Variants in CMTM7 observed in about 807,000 individuals in gnomAD.
CMTM7 encodes CKLF like MARVEL transmembrane domain containing 7, also known as CKLF-like MARVEL transmembrane domain-containing protein 7.
A neutral mutation model predicts 19.3 loss-of-function variants in CMTM7; 7 were observed. That is an observed-to-expected ratio of 0.36 (90% CI 0.21 to 0.68). The LOEUF is 0.68. Ranked by LOEUF, CMTM7 falls within the 30% of genes least tolerant of loss-of-function variation. CMTM7 has a pLI of 0.60. For synonymous variants in CMTM7, 87 were observed against 99.3 expected, an observed-to-expected ratio of 0.88 and a Z score of 0.74; for missense variants, 193 against 232.6, an observed-to-expected ratio of 0.83 and a Z score of 1.11.
At chr3:32,441,114 G>A (rs986239048) in intron 1 of CMTM7, among the ~76,000 whole-genome samples, 4 of 152,192 alleles carry the variant, frequency 2.6e-5, no homozygotes, top group African/African-American at 9.6e-5. Context: ...TTCTCGGCTT[G>A]TTATGATCAG....
chr3:32,447,626 G>A (rs1006111640), intron 2 of CMTM7, among the ~76,000 whole-genome samples: 6 of 151,860 alleles, frequency 4.0e-5, no homozygotes, highest in Non-Finnish European at 7.4e-5. Flanking sequence ...GTGCATATAC[G>A]TTTATAATTG....
chr3:32,453,617 G>A (rs909481792), intron 4 of CMTM7, among the ~76,000 whole-genome samples: 23 of 152,112 alleles, frequency 1.5e-4, no homozygotes, highest in Non-Finnish European at 7.3e-5. Context: ...AATAAGAATC[G>A]TCTAGAGCAG....
intron 1 of CMTM7, among the ~76,000 whole-genome samples, chr3:32,400,790 T>TG (rs1695991146): frequency 1.3e-5 from 2 of 152,192 alleles, no homozygotes; most frequent in Admixed American, 1.3e-4. Context: ...GGAGGTACCC[T>TG]GGTTGTGTGT....
At chr3:32,396,359 T>C (rs1695918195) in intron 1 of CMTM7, among the ~76,000 whole-genome samples, 1 of 151,872 alleles carries the variant, frequency 6.6e-6, no homozygotes, top group African/African-American at 2.4e-5. Flanking sequence ...ATACAAAAAT[T>C]AGCTGGATGT....
intron 1 of CMTM7, among the ~76,000 whole-genome samples, chr3:32,396,280 T>C (rs537055086): frequency 1.3e-3 from 190 of 151,888 alleles, no homozygotes; most frequent in Non-Finnish European, 2.2e-3. Flanking sequence ...CTGAGGTGGG[T>C]GGATCACCTG....
chr3:32,397,509 C>T (rs1409733037), intron 1 of CMTM7, among the ~76,000 whole-genome samples: 9 of 151,082 alleles, frequency 6.0e-5, no homozygotes, highest in East Asian at 1.9e-4. Context: ...CTGAGGTGGG[C>T]GGATCACGAG....
chr3:32,404,917 A>G (rs2125622151), intron 1 of CMTM7, among the ~76,000 whole-genome samples: 1 of 152,326 alleles, frequency 6.6e-6, no homozygotes, highest in South Asian at 2.1e-4. Flanking sequence ...AAAGCCTTAG[A>G]AGAAGTACTG....
intron 1 of CMTM7, among the ~76,000 whole-genome samples, chr3:32,437,423 CCT>C (rs1369185987): frequency 6.6e-6 from 1 of 151,996 alleles, no homozygotes; most frequent in Non-Finnish European, 1.5e-5. Flanking sequence ...ATGGTGAAAC[CCT>C]GTCTCTACTA....
chr3:32,400,608 G>A (rs891827156), intron 1 of CMTM7, among the ~76,000 whole-genome samples: 10 of 151,044 alleles, frequency 6.6e-5, no homozygotes, highest in African/African-American at 2.4e-4. Context: ...AGCCAGGATG[G>A]TCTTAATCTC....
chr3:32,452,520 G>A (rs765515635), intron 4 of CMTM7, 47 bp downstream of exon 4: 8 of 1,586,038 alleles, frequency 5.0e-6, no homozygotes, highest in East Asian at 2.2e-5. Context: ...GGAACAGGGG[G>A]ATGGCTTGTT....
intron 1 of CMTM7, 68 bp downstream of exon 1, chr3:32,392,133 G>T: frequency 8.7e-7 from 1 of 1,151,424 alleles, no homozygotes; most frequent in Non-Finnish European, 1.1e-6. Context: ...GTCCGGGAGC[G>T]GACGCGCCGG....
rs868811219 is a variant in CMTM7, at chr3:32,449,860, C to T, written c.432+308C>T. Reference sequence around the variant, plus strand: ...CACACACCCACTCTGATCATTTGCTCGTTGGCTGCCTCAGCACTATGCAGA... The same window carrying T: ...CACACACCCACTCTGATCATTTGCTTGTTGGCTGCCTCAGCACTATGCAGA... On this transcript the variant is annotated intron_variant, in intron 3 of 4. Coordinates refer to ENST00000334983, the MANE Select transcript of CMTM7 (RefSeq NM_138410.4). This position sits in a 1 kb window ranked among gnomAD's most constrained non-coding sequence, Gnocchi z 4.5. Among the ~76,000 whole-genome samples, 22 of 152,230 alleles carry T rather than the reference C, an allele frequency of 1.4e-4. No homozygotes were observed. Among genetic ancestry groups the T allele is most frequent in the African/African-American group, 4.8e-4 (20 of 41,546 alleles).
Position 32,449,718 on chromosome 3 carries a change from C to T in CMTM7, c.432+166C>T, listed in dbSNP as rs1396838658. Among the ~76,000 whole-genome samples the T allele has an allele frequency of 1.3e-5, 2 of 152,134 alleles. No individual in the cohort carries two copies. The highest frequency in any genetic ancestry group is 2.1e-4 in the South Asian group (1 of 4,822). On this transcript the variant is annotated intron_variant, in intron 3 of 4. Transcript: ENST00000334983. This position sits in a 1 kb window ranked among gnomAD's most constrained non-coding sequence, Gnocchi z 4.5. ...CTCTCCAAAGAGCCTTAAGCAGAGG[C>T]GTACAGTCCCAGAAGGTGGATTGTC... is the stretch of plus-strand genomic sequence containing the variant.
chr3:32,394,388 T>C (rs925158792), intron 1 of CMTM7, among the ~76,000 whole-genome samples: 1 of 152,206 alleles, frequency 6.6e-6, no homozygotes, highest in African/African-American at 2.4e-5. Context: ...ACTGAACAGG[T>C]TGACCCTTTT....
At chr3:32,451,814 G>A (rs1696837164) in intron 3 of CMTM7, 1 of 327,800 alleles carries the variant, frequency 3.1e-6, no homozygotes, top group South Asian at 2.4e-5. Flanking sequence ...ACACTTGAGC[G>A]CTGGATGACC....
chr3:32,454,216 T>A (rs755675048), intron 4 of CMTM7, 25 bp from the exon 5 acceptor site: 1 of 1,587,532 alleles, frequency 6.3e-7, no homozygotes, highest in Non-Finnish European at 8.6e-7. Flanking sequence ...TGGCAAGCTG[T>A]CCTGACTGCC....
At chr3:32,407,554 G>C (rs1287494488) in intron 1 of CMTM7, among the ~76,000 whole-genome samples, 2 of 152,156 alleles carry the variant, frequency 1.3e-5, no homozygotes, top group East Asian at 1.9e-4. Context: ...TCAGATATTT[G>C]ATTTCTGGAG....
chr3:32,432,748 C>T (rs927972893), intron 1 of CMTM7, among the ~76,000 whole-genome samples: 3 of 152,188 alleles, frequency 2.0e-5, no homozygotes, highest in Non-Finnish European at 4.4e-5. Context: ...GCACGGTGAG[C>T]GTACAATCAG....
At chr3:32,435,156 C>T (rs186292131) in intron 1 of CMTM7, among the ~76,000 whole-genome samples, 81 of 152,326 alleles carry the variant, frequency 5.3e-4, no homozygotes, top group African/African-American at 1.8e-3. Flanking sequence ...GTAATCTCAA[C>T]ACTTTGGGAG....
Sources: allele counts gnomAD v4.1 joint callset (sites outside exome capture counted in the v4.1 genomes callset), GRCh38; gene constraint gnomAD v4.1.1; non-coding constraint Gnocchi (gnomAD v3.1); transcripts MANE v1.5; gene names NCBI Gene and HGNC (gene_info 2026-07-23, HGNC 2026-07-21).